Variants in ADARB2 observed in about 807,000 individuals in gnomAD.
ADARB2 encodes the protein inactive double-stranded RNA-specific editase B2.
In ADARB2, 25 loss-of-function variants were observed where a neutral mutation model predicts 62.2. The ratio of observed to expected loss-of-function variants is 0.40; its 90% CI spans 0.29 to 0.56. The LOEUF is 0.56. ADARB2 is among the 20% of genes least tolerant of loss of function. ADARB2 has a pLI of 0.43. For synonymous variants in ADARB2, 572 were observed against 500.8 expected, an observed-to-expected ratio of 1.14 and a Z score of -1.90; for missense variants, 1,071 against 1,077.4, an observed-to-expected ratio of 0.99 and a Z score of 0.08.
chr10:1,311,646 G>A (rs1395181735), intron 3 of ADARB2, among the ~76,000 whole-genome samples: 2 of 152,264 alleles, frequency 1.3e-5, no homozygotes, highest in East Asian at 3.9e-4. Flanking sequence ...TGAGTGAGGA[G>A]AAAGCCTGCA....
At chr10:1,395,054 C>T in intron 1 of ADARB2, 1 of 445,626 alleles carries the variant, frequency 2.2e-6, no homozygotes, top group South Asian at 1.6e-5. Flanking sequence ...GTAGCTGGGA[C>T]TACAGATGCG....
chr10:1,635,366 G>T (rs925419453), intron 1 of ADARB2, among the ~76,000 whole-genome samples: 2 of 152,222 alleles, frequency 1.3e-5, no homozygotes, highest in East Asian at 3.8e-4. Context: ...GCAGGTGCAC[G>T]TCCTATGTAA....
At chr10:1,412,525 A>C (rs902603765) in intron 1 of ADARB2, among the ~76,000 whole-genome samples, 1 of 152,182 alleles carries the variant, frequency 6.6e-6, no homozygotes. Flanking sequence ...ATACATTCAA[A>C]AAAGTCCAAA....
At chr10:1,628,323 G>T (rs1168693215) in intron 1 of ADARB2, among the ~76,000 whole-genome samples, 3 of 152,208 alleles carry the variant, frequency 2.0e-5, no homozygotes, top group African/African-American at 7.2e-5. Flanking sequence ...GCTTTCTACC[G>T]ATGTTAGGCT....
At chr10:1,273,883 G>T (rs531063335) in intron 3 of ADARB2, among the ~76,000 whole-genome samples, 1 of 152,316 alleles carries the variant, frequency 6.6e-6, no homozygotes, top group South Asian at 2.1e-4. Flanking sequence ...CCTGGCTCTG[G>T]GACCGGGTGA....
intron 1 of ADARB2, among the ~76,000 whole-genome samples, chr10:1,494,590 T>C (rs1831664850): frequency 6.6e-6 from 1 of 152,162 alleles, no homozygotes; most frequent in Non-Finnish European, 1.5e-5. Context: ...TGGCAGAACA[T>C]CAACTGCTGA....
At chr10:1,705,393 A>G (rs1010617115) in intron 1 of ADARB2, among the ~76,000 whole-genome samples, 1 of 152,012 alleles carries the variant, frequency 6.6e-6, no homozygotes, top group Non-Finnish European at 1.5e-5. Context: ...GTCCTGGGGG[A>G]CCGGAGAGGA....
chr10:1,239,689 T>C (rs1269569125), intron 5 of ADARB2, among the ~76,000 whole-genome samples: 1 of 7,094 alleles, frequency 1.4e-4, no homozygotes, highest in Non-Finnish European at 2.0e-4. Context: ...TCCCGGTGCT[T>C]ACTCCCCTCT....
intron 2 of ADARB2, among the ~76,000 whole-genome samples, chr10:1,378,241 C>A (rs1832451432): frequency 6.6e-6 from 1 of 152,204 alleles, no homozygotes; most frequent in Non-Finnish European, 1.5e-5. Context: ...TTTCCTAAAC[C>A]AGCCTGGTGC....
intron 3 of ADARB2, among the ~76,000 whole-genome samples, chr10:1,289,491 G>T (rs866659603): frequency 1.3e-5 from 2 of 152,202 alleles, no homozygotes; most frequent in Non-Finnish European, 2.9e-5. Flanking sequence ...AGGCCTTCAG[G>T]GGGAGGCCTC....
chr10:1,244,199 T>C (rs1427199610), intron 4 of ADARB2, among the ~76,000 whole-genome samples: 1 of 152,196 alleles, frequency 6.6e-6, no homozygotes, highest in East Asian at 1.9e-4. Context: ...ACCATCTCAC[T>C]CAGGCCGTCA....
intron 1 of ADARB2, among the ~76,000 whole-genome samples, chr10:1,713,865 G>A (rs1834982157): frequency 1.3e-5 from 2 of 152,254 alleles, no homozygotes; most frequent in East Asian, 3.9e-4. Context: ...GGTTACAGAC[G>A]TACATAAAAT....
chr10:1,229,300 A>G (rs776132222), intron 6 of ADARB2, among the ~76,000 whole-genome samples: 5 of 152,176 alleles, frequency 3.3e-5, no homozygotes, highest in Admixed American at 6.5e-5. Context: ...TGTTGTGTCT[A>G]AGACTTGGAG....
At chr10:1,202,964 A>G (rs1487611431) in intron 7 of ADARB2, among the ~76,000 whole-genome samples, 1 of 152,200 alleles carries the variant, frequency 6.6e-6, no homozygotes, top group Non-Finnish European at 1.5e-5. Context: ...TAACCTTTAC[A>G]ATAAAGAGGA....
At chr10:1,680,328 C>T (rs1241218060) in intron 1 of ADARB2, among the ~76,000 whole-genome samples, 1 of 152,050 alleles carries the variant, frequency 6.6e-6, no homozygotes, top group Non-Finnish European at 1.5e-5. Context: ...TCCTTTTCCT[C>T]TCCTGCTTGA....
intron 1 of ADARB2, among the ~76,000 whole-genome samples, chr10:1,467,833 G>A (rs961425905): frequency 2.0e-5 from 3 of 152,178 alleles, no homozygotes; most frequent in African/African-American, 7.2e-5. Context: ...GCTCACCAGG[G>A]GAGACTGGCT....
chr10:1,213,590 C>T (rs75912921), intron 7 of ADARB2, among the ~76,000 whole-genome samples: 5,102 of 152,276 alleles, frequency 0.034, 319 homozygotes, highest in African/African-American at 0.12. Context: ...TCTGTTCTAA[C>T]CCGGCAGGTG....
chr10:1,210,721 A>T (rs1837139359), intron 7 of ADARB2, among the ~76,000 whole-genome samples: 1 of 152,222 alleles, frequency 6.6e-6, no homozygotes, highest in Admixed American at 6.5e-5. Context: ...CGGTTCCTGG[A>T]TGCTGACCGT....
In ADARB2 at chr10:1,340,798, C is replaced by T. The variant is rs1313897534; in HGVS notation, c.1077+22230G>A. Among the ~76,000 whole-genome samples the T allele has an allele frequency of 5.8e-5, 8 of 136,936 alleles. No individual in the cohort carries two copies. In the East Asian group the frequency reaches 1.4e-3, roughly 24 times the overall value. 89.8% of individuals were successfully genotyped at this position (136,936 alleles called of 152,430 possible). ...ATAACCAGCATCCACCAGAGAACCA[C>T]GCGCCCCACAGCGGCAATAACCAGC... On this transcript the variant is annotated intron_variant, in intron 3 of 9. Coordinates refer to ENST00000381312, the MANE Select transcript of ADARB2 (RefSeq NM_018702.4).
Sources: gnomAD v4.1 joint callset for allele counts (sites outside exome capture counted in the v4.1 genomes callset) on GRCh38, gnomAD v4.1.1 for gene constraint, MANE v1.5 for transcripts, NCBI Gene and HGNC (gene_info 2026-07-23, HGNC 2026-07-21) for gene names.